PTPRC: variants seen among roughly 807,000 people sequenced by gnomAD.
The protein encoded by PTPRC is protein tyrosine phosphatase receptor type C.
In PTPRC, 44 loss-of-function variants were observed where a neutral mutation model predicts 155.9. The observed-to-expected ratio is 0.28, with a 90% CI of 0.22 to 0.36. The LOEUF is 0.36. Among genes scored for constraint, PTPRC ranks in the 10% least tolerant of loss-of-function variants. The probability of loss-of-function intolerance (pLI) is 1.00; values close to 1 mark genes in which losing one functional copy is unlikely to be tolerated. For synonymous variants in PTPRC, 525 were observed against 533.1 expected (o/e 0.98, Z 0.21); for missense variants, 1,401 against 1,564.6 (o/e 0.90, Z 1.76).
At chr1:198,687,355 T>G (rs1369992802) in intron 2 of PTPRC, among the ~76,000 whole-genome samples, 1 of 152,190 alleles carries the variant, frequency 6.6e-6, no homozygotes, top group Admixed American at 6.5e-5. Context: ...ATCTATGATT[T>G]TGGTAATGTT....
chr1:198,706,816 G>T lies in PTPRC; in HGVS notation c.768G>T (p.Glu256Asp), dbSNP rs780129489. ...KLFTAKLNVNENVECGNNTCT... is the reference protein window; with the variant it reads ...KLFTAKLNVNDNVECGNNTCT... ...TTACAGCAAAGCTAAATGTTAATGA[G>T]AATGTGGAATGTGGAAACAATACTT... The change falls in exon 9 of 33, where the codon GAG becomes GAT. Residue 256 changes from glutamate (E) to aspartate (D), a missense_variant. By Grantham distance (45) the Glu-to-Asp change is conservative. Coordinates refer to ENST00000442510, the MANE Select transcript of PTPRC (RefSeq NM_002838.5). 6.2e-7 allele frequency: 1 copy of T among 1,612,876 alleles called. No individual in the cohort carries two copies.
At chr1:198,708,693 A>C (rs1653128331) in intron 10 of PTPRC, among the ~76,000 whole-genome samples, 1 of 152,260 alleles carries the variant, frequency 6.6e-6, no homozygotes, top group Admixed American at 6.5e-5. Context: ...CTGCATCAAC[A>C]AAATTCATAC....
chr1:198,679,694 G>T, intron 2 of PTPRC: 1 of 350,906 alleles, frequency 2.8e-6, no homozygotes, highest in South Asian at 8.4e-5. Context: ...AGACATAGCG[G>T]TGGAGATCTG....
At chr1:198,742,056 A>T (rs1473353409) in intron 24 of PTPRC, 30 bp downstream of exon 24, 1 of 1,608,728 alleles carries the variant, frequency 6.2e-7, no homozygotes, top group South Asian at 1.1e-5. Flanking sequence ...AAAAAAAACA[A>T]CAACAAAAAA....
rs1178335552 is a variant in PTPRC, at chr1:198,699,572, T to A, written c.307T>A (p.Ser103Thr). ...ASAFNTTGVS[S>T]VQTPHLPTHA... ...TCACTTTCCTACCTTAGGTGTTTCA[T>A]CAGTACAGACGCCTCACCTTCCCAC... The change falls in exon 5 of 33, where the codon TCA (serine) becomes ACA (threonine). Residue 103 changes from serine to threonine, a missense_variant. Ser to Thr is a moderately conservative substitution (Grantham distance 58). Transcript: ENST00000442510. 6.2e-7 allele frequency: 1 copy of A among 1,614,200 alleles called. No homozygotes were observed. The highest frequency in any genetic ancestry group is 2.2e-5 in the East Asian group (1 of 44,886).
chr1:198,724,920 G>A (rs890744363), intron 15 of PTPRC, among the ~76,000 whole-genome samples: 1 of 152,112 alleles, frequency 6.6e-6, no homozygotes, highest in African/African-American at 2.4e-5. Context: ...TCCTGCTTCA[G>A]CTTCCTGAGT....
intron 3 of PTPRC, chr1:198,692,723 G>T: frequency 1.1e-6 from 1 of 927,602 alleles, no homozygotes; most frequent in Non-Finnish European, 1.3e-6. Flanking sequence ...CTGAAAGCAG[G>T]TTAACAGCTG....
At chr1:198,662,816 A>G (rs1571799186) in intron 2 of PTPRC, among the ~76,000 whole-genome samples, 1 of 152,170 alleles carries the variant, frequency 6.6e-6, no homozygotes, top group South Asian at 2.1e-4. Flanking sequence ...TGCTTCTATA[A>G]CTGTCACACT....
intron 12 of PTPRC, 39 bp from the exon 13 acceptor site, chr1:198,716,643 T>G (rs772547431): frequency 6.9e-6 from 11 of 1,591,020 alleles, no homozygotes; most frequent in Non-Finnish European, 9.5e-6. Context: ...AGTACTGACT[T>G]TTAACGACTT....
At chr1:198,695,508 T>A (rs1055324287) in intron 3 of PTPRC, among the ~76,000 whole-genome samples, 1 of 151,016 alleles carries the variant, frequency 6.6e-6, no homozygotes, top group Non-Finnish European at 1.5e-5. Flanking sequence ...ACATTTGGTA[T>A]ATTTTTCTAT....
chr1:198,708,096 A>G (rs1653094901), intron 9 of PTPRC, 37 bp from the exon 10 acceptor site: 1 of 1,564,836 alleles, frequency 6.4e-7, no homozygotes, highest in Non-Finnish European at 8.8e-7. Context: ...CACATTATGA[A>G]ATACTAATCA....
chr1:198,647,003 T>A (rs1662973495), intron 2 of PTPRC, among the ~76,000 whole-genome samples: 1 of 151,938 alleles, frequency 6.6e-6, no homozygotes, highest in African/African-American at 2.4e-5. Context: ...CTAACCACTT[T>A]GTGACTCTTT....
rs763395024 is a variant in PTPRC, at chr1:198,709,850, G to A, written c.1171+26G>A. 7 of 1,605,816 alleles carry A rather than the reference G, an allele frequency of 4.4e-6. No individual in the cohort carries two copies. In the South Asian group the frequency reaches 6.7e-5, roughly 15 times the overall value. ...GTGAGTATGTTACTTGCATTTATAT[G>A]TAAAATTGCTTCTCTCTTCATGTTC... is the stretch of plus-strand genomic sequence containing the variant. On this transcript the variant is annotated intron_variant, in intron 11 of 32. Transcript: ENST00000442510.
At position 198,702,600 on chromosome 1, in the gene PTPRC, A is replaced by G. The variant is rs1367365683; in HGVS notation, c.583+70A>G. 7.6e-6 allele frequency: 12 copies of G among 1,574,512 alleles called. No homozygotes were observed. In the East Asian group the frequency reaches 2.2e-4, roughly 29 times the overall value. On this transcript the variant is annotated intron_variant, in intron 6 of 32. Coordinates refer to ENST00000442510, the MANE Select transcript of PTPRC (RefSeq NM_002838.5). ...AAATGGAAACTCAAAACTTTAATGT[A>G]GCTCTTTTATTTTGTGCCAGATATT...
chr1:198,724,540 A>G (rs1164576544), intron 15 of PTPRC, among the ~76,000 whole-genome samples: 1 of 152,162 alleles, frequency 6.6e-6, no homozygotes, highest in Non-Finnish European at 1.5e-5. Context: ...CCCATACAAA[A>G]AAAATTTTTA....
intron 2 of PTPRC, among the ~76,000 whole-genome samples, chr1:198,684,605 C>T (rs1203444057): frequency 6.6e-5 from 10 of 151,760 alleles, no homozygotes; most frequent in Admixed American, 6.6e-4. Flanking sequence ...GCTCCCACGA[C>T]TCTCCCCTCC....
At chr1:198,728,066 T>C (rs1654222356) in intron 15 of PTPRC, among the ~76,000 whole-genome samples, 1 of 152,196 alleles carries the variant, frequency 6.6e-6, no homozygotes, top group Non-Finnish European at 1.5e-5. Flanking sequence ...AAATGTGTCT[T>C]ATGAAAGAAC....
At position 198,696,247 on chromosome 1, in the gene PTPRC, T is replaced by C. The variant is rs554330760; in HGVS notation, c.101-465T>C. Reference sequence around the variant, plus strand: ...GAGTAAATGGAAGTTTTGTCTTTTTTTTCCCCTGGAACCCTAGCCCTGCTA... The same window carrying C: ...GAGTAAATGGAAGTTTTGTCTTTTTCTTCCCCTGGAACCCTAGCCCTGCTA... On this transcript the variant is annotated intron_variant, in intron 3 of 32. Transcript: ENST00000442510. Among the ~76,000 whole-genome samples, 5 of 151,050 alleles carry C rather than the reference T, an allele frequency of 3.3e-5. No homozygotes were observed. In the East Asian group the frequency reaches 9.7e-4, roughly 29 times the overall value.
At chr1:198,735,581 G>C (rs545704463) in intron 23 of PTPRC, among the ~76,000 whole-genome samples, 81 of 151,514 alleles carry the variant, frequency 5.3e-4, no homozygotes, top group Non-Finnish European at 7.7e-4. Flanking sequence ...TTCATTGTCA[G>C]TGAGTTCCTA....
Sources: gnomAD v4.1 joint callset for allele counts (sites outside exome capture counted in the v4.1 genomes callset) on GRCh38, gnomAD v4.1.1 for gene constraint, MANE v1.5 for transcripts, NCBI Gene and HGNC (gene_info 2026-07-23, HGNC 2026-07-21) for gene names.